The following TMEM132B variants were observed in gnomAD, a reference collection of about 807,000 sequenced individuals.
TMEM132B encodes the protein transmembrane protein 132B.
TMEM132B carries 18 observed loss-of-function variants against 90.8 expected under a neutral mutation model. The ratio of observed to expected loss-of-function variants is 0.20; its 90% confidence interval spans 0.14 to 0.29. The LOEUF is 0.29. Among genes scored for constraint, TMEM132B ranks in the 10% least tolerant of loss-of-function variants. The pLI, the probability that TMEM132B is intolerant of heterozygous loss-of-function variation, is 1.00. For synonymous variants in TMEM132B, 504 were observed against 523.3 expected (o/e 0.96, Z 0.50); for missense variants, 1,096 against 1,326.8 (o/e 0.83, Z 2.70).
At chr12:125,432,241 T>C (rs1326876007) in intron 3 of TMEM132B, among the ~76,000 whole-genome samples, 2 of 151,438 alleles carry the variant, frequency 1.3e-5, no homozygotes, top group African/African-American at 4.9e-5. Flanking sequence ...TTCAGTCAGG[T>C]GCATCTATCG....
intron 1 of TMEM132B, among the ~76,000 whole-genome samples, chr12:125,285,725 G>A (rs57349408): frequency 0.05 from 7,637 of 152,230 alleles, 601 homozygotes; most frequent in African/African-American, 0.17. Context: ...ATCCCTGGTA[G>A]CAACATGAGG....
intron 1 of TMEM132B, among the ~76,000 whole-genome samples, chr12:125,240,114 CT>C (rs1326159192): frequency 6.6e-6 from 1 of 152,220 alleles, no homozygotes; most frequent in Non-Finnish European, 1.5e-5. Context: ...GAGCTCATTC[CT>C]TCCACCTTCT....
chr12:125,510,951 A>G (rs112556065), intron 3 of TMEM132B, among the ~76,000 whole-genome samples: 1,844 of 152,298 alleles, frequency 0.012, 13 homozygotes, highest in Middle Eastern at 0.034. Flanking sequence ...AAAGTGAACA[A>G]TTCAGTCGTT....
At chr12:125,500,062 C>G (rs1017607023) in intron 3 of TMEM132B, among the ~76,000 whole-genome samples, 2 of 152,128 alleles carry the variant, frequency 1.3e-5, no homozygotes, top group African/African-American at 4.8e-5. Flanking sequence ...CACCATGGGA[C>G]CAGAAGGCGG....
intron 1 of TMEM132B, among the ~76,000 whole-genome samples, chr12:125,290,394 C>T (rs976071304): frequency 2.0e-5 from 3 of 152,198 alleles, no homozygotes; most frequent in Admixed American, 6.5e-5. Flanking sequence ...CTGACAGTTA[C>T]AATCGATGCT....
chr12:125,563,562 C>T (rs1272868871), intron 4 of TMEM132B, among the ~76,000 whole-genome samples: 1 of 130,444 alleles, frequency 7.7e-6, no homozygotes, highest in Non-Finnish European at 1.7e-5. Flanking sequence ...GAGACTCTGT[C>T]TCAAAAACAA....
At chr12:125,437,915 T>C (rs1880750905) in intron 3 of TMEM132B, among the ~76,000 whole-genome samples, 1 of 152,202 alleles carries the variant, frequency 6.6e-6, no homozygotes, top group Non-Finnish European at 1.5e-5. Flanking sequence ...ATGCACTTAA[T>C]GCCGTTGACT....
intron 1 of TMEM132B, among the ~76,000 whole-genome samples, chr12:125,205,402 G>A (rs1213673006): frequency 9.2e-5 from 14 of 151,912 alleles, no homozygotes; most frequent in Non-Finnish European, 2.1e-4. Flanking sequence ...TTCTTAATAT[G>A]AAATATCTCG....
intron 3 of TMEM132B, among the ~76,000 whole-genome samples, chr12:125,444,352 T>C (rs1880949153): frequency 6.6e-6 from 1 of 152,232 alleles, no homozygotes; most frequent in African/African-American, 2.4e-5. Context: ...AACAGTTTTC[T>C]CTCCTGTCTT....
In TMEM132B at chr12:125,415,912, C is replaced by T. The variant is rs1040663673; in HGVS notation, c.1106+235C>T. Among the ~76,000 whole-genome samples, 11 of 151,836 alleles carry T rather than the reference C, an allele frequency of 7.2e-5. No individual in the cohort carries two copies. The East Asian group carries it at 1.4e-3, about 19-fold the overall frequency. On this transcript the variant is annotated intron_variant, in intron 3 of 8. Transcript: ENST00000682704. The surrounding 1 kb of genome is among the most constrained non-coding windows in gnomAD (Gnocchi z 5.3). ...TTATTACTATTGTTATTGTTTGCAG[C>T]GAAGAGTTGAAGAAGGAAATGGGGG... is the stretch of plus-strand genomic sequence containing the variant.
At chr12:125,486,699 A>G (rs992788664) in intron 3 of TMEM132B, among the ~76,000 whole-genome samples, 3 of 152,114 alleles carry the variant, frequency 2.0e-5, no homozygotes, top group African/African-American at 7.2e-5. Flanking sequence ...CACTGCTAGG[A>G]CCCTCTGAGG....
chr12:125,265,667 C>T (rs1235823818), intron 1 of TMEM132B, among the ~76,000 whole-genome samples: 4 of 152,228 alleles, frequency 2.6e-5, no homozygotes, highest in African/African-American at 9.6e-5. Context: ...ACACAGCACC[C>T]TCCTTGACCC....
intron 5 of TMEM132B, among the ~76,000 whole-genome samples, chr12:125,608,198 A>G (rs1885741916): frequency 6.6e-6 from 1 of 152,214 alleles, no homozygotes; most frequent in Non-Finnish European, 1.5e-5. Flanking sequence ...ACCATTTTAC[A>G]TAGCCATGAG....
Position 125,654,161 on chromosome 12 carries a change from C to T in TMEM132B, c.2703C>T (p.Asp901=). The change falls in exon 9 of 9, where the codon GAC becomes GAT. Residue 901 remains aspartate (D), a synonymous_variant. Transcript: ENST00000682704. This position sits in a 1 kb window ranked among gnomAD's most constrained non-coding sequence, Gnocchi z 5.8. ...CAGTGACCTCAAGGGGGCTAACGGA[C>T]TTGGAGATTGGCATGTATGCCTTGC... ...DLTVTSRGLT[D]LEIGMYALLC... 6.2e-7 allele frequency: 1 copy of T among 1,614,218 alleles called. No homozygotes were observed. The highest frequency in any genetic ancestry group is 1.3e-5 in the African/African-American group (1 of 75,062).
intron 4 of TMEM132B, among the ~76,000 whole-genome samples, chr12:125,550,713 T>C (rs551596544): frequency 6.6e-6 from 1 of 152,356 alleles, no homozygotes; most frequent in South Asian, 2.1e-4. Flanking sequence ...TTTTAAAAAC[T>C]CTTGGTAATT....
chr12:125,418,720 G>T (rs1006619926), intron 3 of TMEM132B, among the ~76,000 whole-genome samples: 1 of 152,140 alleles, frequency 6.6e-6, no homozygotes, highest in African/African-American at 2.4e-5. Context: ...TCTGTGATAA[G>T]AATTAAAAAT....
chr12:125,357,348 T>A (rs1453547894), intron 2 of TMEM132B, among the ~76,000 whole-genome samples: 1 of 152,196 alleles, frequency 6.6e-6, no homozygotes, highest in African/African-American at 2.4e-5. Flanking sequence ...ATACACTGGC[T>A]TTGAGTTTTT....
intron 2 of TMEM132B, among the ~76,000 whole-genome samples, chr12:125,398,950 CA>C (rs1879235430): frequency 6.6e-6 from 1 of 152,108 alleles, no homozygotes; most frequent in African/African-American, 2.4e-5. Context: ...CAGTTGTTGG[CA>C]GAATTTATTT....
chr12:125,283,424 G>T (rs1875255373), intron 1 of TMEM132B, among the ~76,000 whole-genome samples: 1 of 152,080 alleles, frequency 6.6e-6, no homozygotes, highest in Non-Finnish European at 1.5e-5. Flanking sequence ...ACCAGGGTCC[G>T]TCTTCTGTTC....
Sources: gnomAD v4.1 joint callset for allele counts (sites outside exome capture counted in the v4.1 genomes callset) on GRCh38, gnomAD v4.1.1 for gene constraint, Gnocchi (gnomAD v3.1) non-coding constraint, MANE v1.5 for transcripts, NCBI Gene and HGNC (gene_info 2026-07-23, HGNC 2026-07-21) for gene names.